ALDH1A1: variants seen among roughly 807,000 people sequenced by gnomAD.
ALDH1A1 encodes the protein aldehyde dehydrogenase 1 family member A1.
In ALDH1A1, 19 loss-of-function variants were observed where a neutral mutation model predicts 62.1. That is an observed-to-expected ratio of 0.31 (90% CI 0.21 to 0.45). The LOEUF (loss-of-function observed/expected upper bound fraction) is 0.45, where lower values mean the gene tolerates loss of function less well. ALDH1A1 is among the 20% of genes least tolerant of loss of function. The probability of loss-of-function intolerance (pLI) is 1.00; values close to 1 mark genes in which losing one functional copy is unlikely to be tolerated. For synonymous variants in ALDH1A1, 231 were observed against 215.9 expected, an observed-to-expected ratio of 1.07 and a Z score of -0.61; for missense variants, 521 against 607.1, an observed-to-expected ratio of 0.86 and a Z score of 1.49.
intron 12 of ALDH1A1, among the ~76,000 whole-genome samples, chr9:72,905,527 C>T (rs1829867428): frequency 6.6e-6 from 1 of 152,072 alleles, no homozygotes; most frequent in Non-Finnish European, 1.5e-5. Context: ...ACTGAAATTT[C>T]CTTTACATAA....
Position 72,930,902 on chromosome 9 carries a change from C to G in ALDH1A1, c.289G>C (p.Glu97Gln), listed in dbSNP as rs769516761. The G allele has an allele frequency of 1.2e-6, 2 of 1,614,008 alleles. No individual in the cohort carries two copies. The highest frequency in any genetic ancestry group is 1.7e-6 in the Non-Finnish European group (2 of 1,179,926). The change falls in exon 3 of 13, where the codon GAA (glutamate) becomes CAA (glutamine). Residue 97 changes from glutamate to glutamine, a missense_variant. Physicochemically the swap from Glu to Gln is conservative, Grantham distance 29. Coordinates refer to ENST00000297785, the MANE Select transcript of ALDH1A1 (RefSeq NM_000689.5). ...ACCGCCAGCAGCAGACGATCTCTTT[C>G]GATTAAATCAGCCAACTTGTATAAT... The part of the protein sequence containing the change: ...RLLYKLADLI[E>Q]RDRLLLATME...
At chr9:72,908,428 C>G (rs1285594085) in intron 11 of ALDH1A1, among the ~76,000 whole-genome samples, 1 of 29,482 alleles carries the variant, frequency 3.4e-5, no homozygotes, top group Admixed American at 6.4e-4. Flanking sequence ...GAGTGAGACT[C>G]CAGCTCAAAA....
Position 72,925,471 on chromosome 9 carries a change from T to C in ALDH1A1, c.633+13A>G, listed in dbSNP as rs372689208. ...TTGAGTTCTTGAGCATATTTTGATT[T>C]CGGGAGACTTACCTCTTTTATTAAA... On this transcript the variant is annotated intron_variant, in intron 6 of 12. Transcript: ENST00000297785. 1.2e-6 allele frequency: 2 copies of C among 1,610,876 alleles called. No homozygotes were observed. Among genetic ancestry groups the C allele is most frequent in the Non-Finnish European group, 1.7e-6 (2 of 1,178,994 alleles).
chr9:72,906,770 C>T (rs1212331443), intron 11 of ALDH1A1, among the ~76,000 whole-genome samples: 1 of 152,140 alleles, frequency 6.6e-6, no homozygotes, highest in African/African-American at 2.4e-5. Context: ...TAATTATTTA[C>T]CTGATTCTCA....
chr9:72,913,698 G>T (rs1443213188), intron 9 of ALDH1A1, among the ~76,000 whole-genome samples: 3 of 152,348 alleles, frequency 2.0e-5, no homozygotes, highest in Middle Eastern at 6.8e-3. Flanking sequence ...GGAAAACTTA[G>T]ATGGTCGCTA....
chr9:72,912,227 T>TAAACC (rs1830001424), intron 9 of ALDH1A1, 105 bp from the exon 10 acceptor site: 1 of 852,954 alleles, frequency 1.2e-6, no homozygotes. Context: ...ATATTGCAAT[T>TAAACC]AAACCAAATA....
intron 7 of ALDH1A1, among the ~76,000 whole-genome samples, chr9:72,923,641 G>A (rs1830168336): frequency 6.6e-6 from 1 of 152,124 alleles, no homozygotes; most frequent in Non-Finnish European, 1.5e-5. Flanking sequence ...AAGGTGCAAA[G>A]GGTGAGACTC....
chr9:72,948,880 A>T (rs1830504510), intron 1 of ALDH1A1, among the ~76,000 whole-genome samples: 2 of 151,820 alleles, frequency 1.3e-5, no homozygotes, highest in South Asian at 4.1e-4. Flanking sequence ...AAACAAGCAA[A>T]GGGGACAAAG....
At chr9:72,927,475 C>T (rs1830226628) in intron 4 of ALDH1A1, among the ~76,000 whole-genome samples, 1 of 151,984 alleles carries the variant, frequency 6.6e-6, no homozygotes, top group African/African-American at 2.4e-5. Context: ...ATCAAAGAGG[C>T]AAAATTGGCA....
chr9:72,943,193 A>G (rs1407856120), intron 1 of ALDH1A1, among the ~76,000 whole-genome samples: 3 of 152,264 alleles, frequency 2.0e-5, no homozygotes, highest in Non-Finnish European at 2.9e-5. Flanking sequence ...CATTAAAAAT[A>G]AAATAAAACA....
intron 11 of ALDH1A1, among the ~76,000 whole-genome samples, chr9:72,908,905 C>T (rs1292489265): frequency 6.6e-6 from 1 of 152,104 alleles, no homozygotes; most frequent in Non-Finnish European, 1.5e-5. Flanking sequence ...TCAAAAATAA[C>T]TTCAATTATC....
At chr9:72,909,189 T>A (rs1416198708) in intron 11 of ALDH1A1, among the ~76,000 whole-genome samples, 1 of 117,648 alleles carries the variant, frequency 8.5e-6, no homozygotes, top group Non-Finnish European at 1.9e-5. Flanking sequence ...GAGACGGAGT[T>A]TTGCTCTTGT....
chr9:72,905,436 T>A (rs1043080043), intron 12 of ALDH1A1, among the ~76,000 whole-genome samples: 8 of 152,110 alleles, frequency 5.3e-5, no homozygotes, highest in Non-Finnish European at 1.0e-4. Context: ...GTTTTAATAC[T>A]AAAAATAACT....
intron 9 of ALDH1A1, among the ~76,000 whole-genome samples, chr9:72,915,121 T>C (rs531518485): frequency 6.6e-6 from 1 of 152,292 alleles, no homozygotes; most frequent in South Asian, 2.1e-4. Flanking sequence ...TTATAGAAAC[T>C]AAATTCTTAT....
At chr9:72,907,823 C>T (rs1330137345) in intron 11 of ALDH1A1, among the ~76,000 whole-genome samples, 2 of 152,116 alleles carry the variant, frequency 1.3e-5, no homozygotes, top group East Asian at 1.9e-4. Context: ...CACACAGTAA[C>T]TATGCTGAAT....
chr9:72,935,507 G>T (rs1830336902), intron 2 of ALDH1A1, among the ~76,000 whole-genome samples: 1 of 152,168 alleles, frequency 6.6e-6, no homozygotes, highest in South Asian at 2.1e-4. Flanking sequence ...GGAGAAAATA[G>T]TTATCAGACC....
intron 2 of ALDH1A1, among the ~76,000 whole-genome samples, chr9:72,931,298 C>G (rs1490291406): frequency 1.3e-5 from 2 of 152,182 alleles, no homozygotes; most frequent in African/African-American, 2.4e-5. Flanking sequence ...TGAGTGCTTG[C>G]CCTGTTTCAA....
chr9:72,947,915 A>G (rs931897278), intron 1 of ALDH1A1, among the ~76,000 whole-genome samples: 9 of 151,940 alleles, frequency 5.9e-5, no homozygotes, highest in African/African-American at 2.2e-4. Context: ...TAAGCAATAT[A>G]AATATAACTT....
intron 1 of ALDH1A1, chr9:72,942,331 T>C: frequency 1.0e-6 from 1 of 985,348 alleles, no homozygotes; most frequent in South Asian, 4.7e-5. Flanking sequence ...TCTAGCTTTA[T>C]GCTGCTCTCA....
Sources: gnomAD v4.1 joint callset for allele counts (sites outside exome capture counted in the v4.1 genomes callset) on GRCh38, gnomAD v4.1.1 for gene constraint, MANE v1.5 for transcripts, NCBI Gene and HGNC (gene_info 2026-07-23, HGNC 2026-07-21) for gene names.